Variants in CHRM3 observed in about 807,000 individuals in gnomAD.
CHRM3 encodes the protein muscarinic acetylcholine receptor M3.
A neutral mutation model predicts 41.8 loss-of-function variants in CHRM3; 11 were observed. That is an observed-to-expected ratio of 0.26 (90% CI 0.17 to 0.44). The LOEUF (loss-of-function observed/expected upper bound fraction) is 0.44. CHRM3 is among the 20% of genes least tolerant of loss of function. The pLI is 1.00. For missense variants in CHRM3, 571 were observed against 745.4 expected (o/e 0.77, Z 2.72); for synonymous variants, 297 against 301.4 (o/e 0.99, Z 0.15).
intron 3 of CHRM3, among the ~76,000 whole-genome samples, chr1:239,627,219 G>A (rs1271645663): frequency 1.7e-5 from 2 of 121,104 alleles, no homozygotes; most frequent in Non-Finnish European, 3.4e-5. Flanking sequence ...AGGATAGTTA[G>A]CTCCTCTTGT....
intron 5 of CHRM3, among the ~76,000 whole-genome samples, chr1:239,728,434 A>G (rs986173859): frequency 3.9e-5 from 6 of 151,984 alleles, no homozygotes; most frequent in Admixed American, 1.3e-4. Context: ...AGAAGACACC[A>G]TGTCCATCCA....
chr1:239,883,689 T>A (rs1677835452), intron 6 of CHRM3, among the ~76,000 whole-genome samples: 1 of 152,224 alleles, frequency 6.6e-6, no homozygotes, highest in African/African-American at 2.4e-5. Flanking sequence ...TAAGTCTAGT[T>A]CTTGGTTTGT....
At chr1:239,867,830 CT>C (rs1676247273) in intron 6 of CHRM3, among the ~76,000 whole-genome samples, 1 of 152,146 alleles carries the variant, frequency 6.6e-6, no homozygotes, top group African/African-American at 2.4e-5. Context: ...CCTAGTTTAC[CT>C]TCCATCTCCC....
intron 1 of CHRM3, among the ~76,000 whole-genome samples, chr1:239,397,624 A>C (rs1219911142): frequency 6.6e-6 from 1 of 151,378 alleles, no homozygotes; most frequent in Non-Finnish European, 1.5e-5. Flanking sequence ...GTGAGCGGAG[A>C]TCGTGCCACT....
intron 5 of CHRM3, among the ~76,000 whole-genome samples, chr1:239,690,016 AACAGAGAGAGAGAG>A (rs922119283): frequency 2.0e-5 from 3 of 151,678 alleles, no homozygotes; most frequent in Admixed American, 6.6e-5. Flanking sequence ...TTGACACTAA[AACAGAGAGAGAGAG>A]ACAGAGAGAG....
intron 2 of CHRM3, among the ~76,000 whole-genome samples, chr1:239,538,237 G>A (rs898292634): frequency 5.3e-5 from 8 of 152,298 alleles, no homozygotes; most frequent in Non-Finnish European, 1.0e-4. Context: ...CATCTTCCAT[G>A]CAATTATAAA....
rs72760710 is a variant in CHRM3, at chr1:239,872,263, T to C, written c.-19-35170T>C. ...CACCTTGGTCACATTGCTACCTTTTTAGTTTTAGACTGAAACCCGAAAGGC... is the reference window on the plus strand; with the variant it reads ...CACCTTGGTCACATTGCTACCTTTTCAGTTTTAGACTGAAACCCGAAAGGC... On this transcript the variant is annotated intron_variant, in intron 6 of 6. Coordinates refer to ENST00000676153, the MANE Select transcript of CHRM3 (RefSeq NM_001375978.1). Among the ~76,000 whole-genome samples, 899 of 152,356 alleles carry C rather than the reference T, an allele frequency of 5.9e-3. 4 individuals carry two copies. The highest frequency in any genetic ancestry group is 0.01 in the Middle Eastern group (3 of 294).
At chr1:239,701,957 A>G (rs1660727004) in intron 5 of CHRM3, among the ~76,000 whole-genome samples, 1 of 151,908 alleles carries the variant, frequency 6.6e-6, no homozygotes, top group Non-Finnish European at 1.5e-5. Flanking sequence ...TATGTTAATC[A>G]CTCTAAGTCA....
At chr1:239,782,270 T>G (rs1037761080) in intron 5 of CHRM3, among the ~76,000 whole-genome samples, 1 of 152,080 alleles carries the variant, frequency 6.6e-6, no homozygotes, top group Admixed American at 6.5e-5. Flanking sequence ...GAATTAATTA[T>G]TTATTTAATT....
chr1:239,873,874 C>T (rs1203552083), intron 6 of CHRM3, among the ~76,000 whole-genome samples: 2 of 152,128 alleles, frequency 1.3e-5, no homozygotes, highest in Non-Finnish European at 2.9e-5. Context: ...GCTGAAGTCC[C>T]CCCTCTCCTC....
chr1:239,475,352 T>G (rs992575780), intron 1 of CHRM3, among the ~76,000 whole-genome samples: 6 of 152,140 alleles, frequency 3.9e-5, no homozygotes, highest in African/African-American at 1.4e-4. Context: ...TATGGTGTGA[T>G]GAAGAGGACA....
intron 1 of CHRM3, among the ~76,000 whole-genome samples, chr1:239,492,080 A>G (rs1490480897): frequency 5.3e-5 from 8 of 152,196 alleles, no homozygotes; most frequent in African/African-American, 1.9e-4. Flanking sequence ...AAGGATATCA[A>G]GATGTCAAAT....
At chr1:239,905,138 G>C (rs367917098) in intron 6 of CHRM3, among the ~76,000 whole-genome samples, 2 of 152,208 alleles carry the variant, frequency 1.3e-5, no homozygotes, top group African/African-American at 2.4e-5. Flanking sequence ...AGGTGATAAA[G>C]AGTATCTCAT....
intron 4 of CHRM3, among the ~76,000 whole-genome samples, chr1:239,649,749 G>A (rs67382669): frequency 0.028 from 4,199 of 152,192 alleles, 102 homozygotes; most frequent in Middle Eastern, 0.11. Flanking sequence ...AGGATAGTGG[G>A]GTGGGTTTTC....
At chr1:239,422,801 AAAC>A (rs1302529140) in intron 1 of CHRM3, among the ~76,000 whole-genome samples, 3 of 139,122 alleles carry the variant, frequency 2.2e-5, no homozygotes, top group Admixed American at 7.0e-5. Flanking sequence ...ATCTTAAAAA[AAAC>A]AAAAACAAAA....
At chr1:239,728,472 T>A (rs948807559) in intron 5 of CHRM3, among the ~76,000 whole-genome samples, 3 of 152,026 alleles carry the variant, frequency 2.0e-5, no homozygotes, top group Non-Finnish European at 4.4e-5. Flanking sequence ...TTTGGTCAAG[T>A]GAGTCTTTCA....
At position 239,799,173 on chromosome 1, in the gene CHRM3, C is replaced by A. The variant is rs114339596; in HGVS notation, c.-146-28079C>A. On this transcript the variant is annotated intron_variant, in intron 5 of 6. Coordinates refer to ENST00000676153, the MANE Select transcript of CHRM3 (RefSeq NM_001375978.1). ...ATTGTTTCAAATATTGGAGTAAAGT[C>A]TTAGCAGAAGACCTTCCAGAAGGCC... Among the ~76,000 whole-genome samples, 1,328 of 152,274 alleles carry A rather than the reference C, an allele frequency of 8.7e-3. 23 individuals carry two copies. Among genetic ancestry groups the A allele is most frequent in the African/African-American group, 0.031 (1,286 of 41,564 alleles).
At chr1:239,513,230 T>A (rs1669040588) in intron 2 of CHRM3, among the ~76,000 whole-genome samples, 1 of 152,222 alleles carries the variant, frequency 6.6e-6, no homozygotes, top group Admixed American at 6.5e-5. Flanking sequence ...TCTGATCTTA[T>A]TTGGGGGGCC....
chr1:239,823,029 T>A (rs979596123), intron 5 of CHRM3, among the ~76,000 whole-genome samples: 2 of 152,190 alleles, frequency 1.3e-5, no homozygotes, highest in Non-Finnish European at 2.9e-5. Context: ...GTTCGCCAGG[T>A]ACCCAGGAGT....
Sources: allele counts gnomAD v4.1 joint callset (sites outside exome capture counted in the v4.1 genomes callset), GRCh38; gene constraint gnomAD v4.1.1; transcripts MANE v1.5; gene names NCBI Gene and HGNC (gene_info 2026-07-23, HGNC 2026-07-21).